Variants in PAPSS2 observed in about 807,000 individuals in gnomAD.
PAPSS2 encodes bifunctional 3'-phosphoadenosine 5'-phosphosulfate synthase 2.
Under a neutral mutation model 66.5 loss-of-function variants are expected in PAPSS2, and 61 were observed. The observed-to-expected ratio is 0.92, with a 90% CI of 0.75 to 1.14. PAPSS2 has a LOEUF of 1.14. Ranked by LOEUF, PAPSS2 falls within the 50% of genes most tolerant of loss-of-function variation. The pLI is 0.00. For missense variants in PAPSS2, 708 were observed against 789.6 expected, an observed-to-expected ratio of 0.90 and a Z score of 1.24; for synonymous variants, 289 against 287.5, an observed-to-expected ratio of 1.01 and a Z score of -0.05.
At chr10:87,697,787 T>G (rs571395014) in intron 1 of PAPSS2, among the ~76,000 whole-genome samples, 1 of 152,276 alleles carries the variant, frequency 6.6e-6, no homozygotes, top group South Asian at 2.1e-4. Flanking sequence ...CAATGGAAAC[T>G]CCACAGTCTC....
chr10:87,661,240 G>A (rs1015208273), intron 1 of PAPSS2, among the ~76,000 whole-genome samples: 3 of 152,042 alleles, frequency 2.0e-5, no homozygotes, highest in African/African-American at 4.8e-5. Flanking sequence ...GAACAGGGTG[G>A]GGGCTCTGTG....
intron 6 of PAPSS2, among the ~76,000 whole-genome samples, chr10:87,715,344 T>C (rs1370225701): frequency 1.3e-5 from 2 of 152,362 alleles, no homozygotes; most frequent in Admixed American, 6.5e-5. Context: ...TGTATTTGCA[T>C]TGGACAATTT....
At chr10:87,697,060 T>C (rs146393927) in intron 1 of PAPSS2, among the ~76,000 whole-genome samples, 1 of 152,336 alleles carries the variant, frequency 6.6e-6, no homozygotes, top group African/African-American at 2.4e-5. Flanking sequence ...TATCCCATGT[T>C]ACATTTAGTT....
intron 1 of PAPSS2, among the ~76,000 whole-genome samples, chr10:87,681,816 G>A (rs1354695553): frequency 6.6e-6 from 1 of 152,092 alleles, no homozygotes; most frequent in East Asian, 1.9e-4. Flanking sequence ...TTTTGTGACT[G>A]GCTTCTTTCA....
rs12240764 is a variant in PAPSS2 at position 87,740,739 on chromosome 10, C to T, written c.1087-496C>T. On this transcript the variant is annotated intron_variant, in intron 9 of 12. Transcript: ENST00000456849. Reference sequence around the variant, plus strand: ...CCTATAGTTGGACTTCCTTTTTATACTTCAGCCAAAACAATGTATTACTAC... The same window carrying T: ...CCTATAGTTGGACTTCCTTTTTATATTTCAGCCAAAACAATGTATTACTAC... Among the ~76,000 whole-genome samples the T allele has an allele frequency of 2.9e-3, 441 of 152,274 alleles. 1 individual carries two copies. Among genetic ancestry groups the T allele is most frequent in the African/African-American group, 1.0e-2 (415 of 41,542 alleles).
At chr10:87,683,291 C>T (rs1002677658) in intron 1 of PAPSS2, among the ~76,000 whole-genome samples, 1 of 152,066 alleles carries the variant, frequency 6.6e-6, no homozygotes, top group African/African-American at 2.4e-5. Flanking sequence ...CGGGGTTTCA[C>T]CATGTTCGCC....
chr10:87,679,002 T>C (rs6586093), intron 1 of PAPSS2, among the ~76,000 whole-genome samples: 127,080 of 152,232 alleles, frequency 0.83, 53,435 homozygotes, highest in East Asian at 0.96. Context: ...GCACTATTCA[T>C]AATAGGAAAG....
intron 1 of PAPSS2, among the ~76,000 whole-genome samples, chr10:87,703,389 T>C (rs1853343183): frequency 6.6e-6 from 1 of 151,462 alleles, no homozygotes; most frequent in African/African-American, 2.4e-5. Context: ...TGGGTTAGAG[T>C]AGACCCAGAT....
chr10:87,669,425 A>G (rs1188032940), intron 1 of PAPSS2, among the ~76,000 whole-genome samples: 1 of 152,232 alleles, frequency 6.6e-6, no homozygotes, highest in Non-Finnish European at 1.5e-5. Context: ...GTGTTTTCCT[A>G]AAGTATATGA....
chr10:87,716,690 G>A (rs1853536729), intron 7 of PAPSS2, among the ~76,000 whole-genome samples: 1 of 152,004 alleles, frequency 6.6e-6, no homozygotes, highest in Admixed American at 6.6e-5. Flanking sequence ...TGGGGAATGG[G>A]GCATGAACTC....
At chr10:87,732,226 A>C (rs1463274069) in intron 9 of PAPSS2, among the ~76,000 whole-genome samples, 1 of 152,184 alleles carries the variant, frequency 6.6e-6, no homozygotes, top group African/African-American at 2.4e-5. Flanking sequence ...CATTTTTAGC[A>C]AAAAGGTATT....
Position 87,741,286 on chromosome 10 carries a change from G to A in PAPSS2, c.1138G>A (p.Glu380Lys). 1.2e-6 allele frequency: 2 copies of A among 1,613,764 alleles called. No homozygotes were observed. The highest frequency in any genetic ancestry group is 1.7e-6 in the Non-Finnish European group (2 of 1,179,650). ...WLVGGDLQVL[E>K]KIRWNDGLDQ... ...GGTTGGTGGAGACCTTCAGGTGCTG[G>A]AGAAAATAAGATGGAATGATGGGCT... Residue 380 changes from glutamate (E) to lysine (K), a missense_variant, in exon 10 of 13, where the codon GAG becomes AAG. Transcript: ENST00000456849.
In PAPSS2 at chr10:87,728,537, C is replaced by T. The variant is rs565943578; in HGVS notation, c.1086+1048C>T. ...AGCAGATCACCTGAGGTCGGGAGTT[C>T]GAGAACAGCCTGGCCAACATGGTGA... On this transcript the variant is annotated intron_variant, in intron 9 of 12. Coordinates refer to ENST00000456849, the MANE Select transcript of PAPSS2 (RefSeq NM_001015880.2). 2.2e-3 allele frequency among the ~76,000 whole-genome samples: 331 copies of T among 152,206 alleles called. 1 individual carries two copies. The highest frequency in any genetic ancestry group is 7.4e-3 in the African/African-American group (308 of 41,546).
intron 1 of PAPSS2, among the ~76,000 whole-genome samples, chr10:87,690,003 G>C (rs904607511): frequency 1.3e-5 from 2 of 152,172 alleles, no homozygotes; most frequent in African/African-American, 2.4e-5. Flanking sequence ...TAGGAGTATA[G>C]ATTGGTGTAA....
chr10:87,694,503 G>A (rs1190446508), intron 1 of PAPSS2, among the ~76,000 whole-genome samples: 1 of 152,182 alleles, frequency 6.6e-6, no homozygotes, highest in African/African-American at 2.4e-5. Context: ...GGATAGTTGA[G>A]GGCATGGAGA....
At chr10:87,711,160 C>T (rs1197052214) in intron 2 of PAPSS2, among the ~76,000 whole-genome samples, 1 of 152,252 alleles carries the variant, frequency 6.6e-6, no homozygotes, top group Non-Finnish European at 1.5e-5. Flanking sequence ...ACTCCACCTC[C>T]ATGAGCTGTG....
rs1220352210 is a variant in PAPSS2 at position 87,746,015 on chromosome 10, T to G, written c.*45T>G. 1.3e-6 allele frequency: 2 copies of G among 1,580,398 alleles called. No homozygotes were observed. Among genetic ancestry groups the G allele is most frequent in the African/African-American group, 2.7e-5 (2 of 74,134 alleles). On this transcript the variant is annotated 3_prime_UTR_variant, in exon 13 of 13. Transcript: ENST00000456849. ...CTTTCTGAAGTGCTCTTTGATTACC[T>G]TTTCTATTTTTATGATTAGATGCTT...
At chr10:87,664,754 C>T (rs1222522632) in intron 1 of PAPSS2, among the ~76,000 whole-genome samples, 1 of 152,080 alleles carries the variant, frequency 6.6e-6, no homozygotes, top group Non-Finnish European at 1.5e-5. Flanking sequence ...TAGTAATGGG[C>T]ACTCATTAGT....
chr10:87,689,397 G>T (rs1007397672), intron 1 of PAPSS2, among the ~76,000 whole-genome samples: 1 of 150,894 alleles, frequency 6.6e-6, no homozygotes, highest in Non-Finnish European at 1.5e-5. Flanking sequence ...GGGGACAGGC[G>T]CAGTGGCCCA....
Sources: allele counts gnomAD v4.1 joint callset (sites outside exome capture counted in the v4.1 genomes callset), GRCh38; gene constraint gnomAD v4.1.1; transcripts MANE v1.5; gene names NCBI Gene and HGNC (gene_info 2026-07-23, HGNC 2026-07-21).